The following SLC25A24 variants were observed in gnomAD, a reference collection of about 807,000 sequenced individuals.
SLC25A24 encodes the protein mitochondrial adenyl nucleotide antiporter SLC25A24.
A neutral mutation model predicts 60.7 loss-of-function variants in SLC25A24; 49 were observed. That is an observed-to-expected ratio of 0.81 (90% CI 0.64 to 1.02). The LOEUF is 1.02. SLC25A24 is among the 50% of genes least tolerant of loss of function. SLC25A24 has a pLI of 0.00. For synonymous variants in SLC25A24, 202 were observed against 200.6 expected (o/e 1.01, Z -0.06); for missense variants, 564 against 586.3 (o/e 0.96, Z 0.39).
At chr1:108,156,665 A>G (rs977960877) in intron 5 of SLC25A24, among the ~76,000 whole-genome samples, 1 of 152,370 alleles carries the variant, frequency 6.6e-6, no homozygotes, top group Admixed American at 6.5e-5. Context: ...CTATGTTCCA[A>G]TAGGTTATTC....
intron 1 of SLC25A24, among the ~76,000 whole-genome samples, chr1:108,195,690 T>A (rs539561530): frequency 2.0e-5 from 3 of 152,114 alleles, no homozygotes; most frequent in Non-Finnish European, 4.4e-5. Context: ...CCATAACATG[T>A]CTGACAATTA....
intron 3 of SLC25A24, among the ~76,000 whole-genome samples, chr1:108,173,961 G>T (rs2101630917): frequency 6.6e-6 from 1 of 152,288 alleles, no homozygotes; most frequent in East Asian, 1.9e-4. Flanking sequence ...TCAGGCAGAA[G>T]AAATTTCTAA....
At chr1:108,151,941 A>C (rs1293043381) in intron 6 of SLC25A24, among the ~76,000 whole-genome samples, 1 of 152,142 alleles carries the variant, frequency 6.6e-6, no homozygotes, top group Non-Finnish European at 1.5e-5. Context: ...TACTTCCAAA[A>C]TATTTCTCAG....
rs138894826 is a variant in SLC25A24, at chr1:108,161,294, C to T, written c.399-1G>A. ...TGTCATTGTCCCATCAACATCAATGCTGAAATTTTAAAAAAATGATCAAAG... is the reference window on the plus strand; with the variant it reads ...TGTCATTGTCCCATCAACATCAATGTTGAAATTTTAAAAAAATGATCAAAG... On this transcript the variant is annotated splice_acceptor_variant, in intron 3 of 9. Transcript: ENST00000565488. LOFTEE classifies it high-confidence loss of function. 1.2e-4 allele frequency: 175 copies of T among 1,502,838 alleles called. No individual in the cohort carries two copies. The East Asian group carries it at 1.6e-3, about 14-fold the overall frequency. The allele number at this position is 1,502,838 out of a possible 1,614,324, so 93.1% of individuals were successfully genotyped here.
intron 1 of SLC25A24, among the ~76,000 whole-genome samples, chr1:108,189,589 C>G (rs748786760): frequency 1.3e-5 from 2 of 151,956 alleles, no homozygotes; most frequent in Admixed American, 1.3e-4. Flanking sequence ...CCAAGGTGGG[C>G]GGATCACTTG....
chr1:108,197,401 G>A (rs1008209911), intron 1 of SLC25A24, among the ~76,000 whole-genome samples: 14 of 152,182 alleles, frequency 9.2e-5, no homozygotes, highest in Admixed American at 2.0e-4. Context: ...TTCAAGCTGA[G>A]TATTTGGCTT....
At position 108,171,162 on chromosome 1, in the gene SLC25A24, T is replaced by TC. The variant is rs558154838; in HGVS notation, c.399-9870dup. Among the ~76,000 whole-genome samples, 14 of 152,192 alleles carry TC rather than the reference T, an allele frequency of 9.2e-5. No individual in the cohort carries two copies. In the South Asian group the frequency reaches 2.7e-3, roughly 29 times the overall value. On this transcript the variant is annotated intron_variant, in intron 3 of 9. Coordinates refer to ENST00000565488, the MANE Select transcript of SLC25A24 (RefSeq NM_013386.5). The stretch of plus-strand genomic sequence containing the variant: ...TATTTATTTTCTTATTCCATTTCTT[T>TC]CCCCCCTGATTTGGAAGTTATATAC...
intron 3 of SLC25A24, among the ~76,000 whole-genome samples, chr1:108,168,040 T>C (rs1647271266): frequency 6.6e-6 from 1 of 152,190 alleles, no homozygotes; most frequent in Admixed American, 6.5e-5. Flanking sequence ...TGCTCATTTA[T>C]TTATTGAATT....
intron 2 of SLC25A24, among the ~76,000 whole-genome samples, chr1:108,182,897 C>T (rs527298338): frequency 9.3e-4 from 141 of 151,960 alleles, no homozygotes; most frequent in African/African-American, 3.2e-3. Flanking sequence ...AAAAGAACAA[C>T]AAAAGACAGA....
chr1:108,147,003 T>G (rs1679612092), intron 7 of SLC25A24, among the ~76,000 whole-genome samples: 2 of 152,226 alleles, frequency 1.3e-5, no homozygotes, highest in African/African-American at 2.4e-5. Flanking sequence ...CAGCTCCTCT[T>G]TGTACCTCTG....
At chr1:108,152,594 C>A (rs1053171024) in intron 6 of SLC25A24, among the ~76,000 whole-genome samples, 22 of 152,162 alleles carry the variant, frequency 1.4e-4, no homozygotes, top group Admixed American at 2.6e-4. Flanking sequence ...TGGGCTCAAG[C>A]AAACTACCTC....
chr1:108,136,672 A>G lies in SLC25A24; in HGVS notation c.1415T>C (p.Leu472Ser), dbSNP rs1319856486. ...GCAACATCATTTCTGGGTTACTCCT[A>G]AAGTTTGCTTCATATTTTCATAAAC... is the stretch of plus-strand genomic sequence containing the variant. ...YVVYENMKQTLGVTQK is the reference protein window; with the variant it reads ...YVVYENMKQTSGVTQK Residue 472 changes from leucine (L) to serine (S), a missense_variant, in exon 10 of 10, where the codon TTA becomes TCA. By Grantham distance (145) the Leu-to-Ser change is moderately radical. Coordinates refer to ENST00000565488, the MANE Select transcript of SLC25A24 (RefSeq NM_013386.5). 3 of 1,613,682 alleles carry G rather than the reference A, an allele frequency of 1.9e-6. No individual in the cohort carries two copies. Among genetic ancestry groups the G allele is most frequent in the South Asian group, 1.1e-5 (1 of 90,932 alleles).
intron 8 of SLC25A24, 88 bp from the exon 9 acceptor site, chr1:108,139,296 G>A: frequency 1.5e-6 from 2 of 1,329,990 alleles, no homozygotes; most frequent in South Asian, 3.1e-5. Flanking sequence ...CTCATGAGAA[G>A]CCCCGTTTCT....
chr1:108,195,122 C>T (rs1005829348), intron 1 of SLC25A24, among the ~76,000 whole-genome samples: 12 of 152,156 alleles, frequency 7.9e-5, no homozygotes, highest in Admixed American at 2.0e-4. Context: ...GATTTTTGAA[C>T]TCAGCAGGGT....
At chr1:108,154,395 G>A (rs577119552) in intron 6 of SLC25A24, among the ~76,000 whole-genome samples, 127 of 152,276 alleles carry the variant, frequency 8.3e-4, no homozygotes, top group Non-Finnish European at 1.2e-3. Flanking sequence ...TTAGGCTGAA[G>A]CAATAGCTCA....
rs1468204870 is a variant in SLC25A24, at chr1:108,200,181, G to C, written c.-43C>G. 3 of 1,507,580 alleles carry C rather than the reference G, an allele frequency of 2.0e-6. No homozygotes were observed. The highest frequency in any genetic ancestry group is 4.1e-5 in the Admixed American group (2 of 48,458). The allele number at this position is 1,507,580 out of a possible 1,614,324, so 93.4% of individuals were successfully genotyped here. A position where few individuals can be genotyped will look rare whatever the true frequency, so the allele number is the denominator to read the frequency against. ...CGGCCTGGCCGAGGAAGTCACGGGA[G>C]ATCGAGGGCTGCGGGGCGAGACCGG... On this transcript the variant is annotated 5_prime_UTR_variant, in exon 1 of 10. It adds an upstream start codon to the 5' untranslated region. Transcript: ENST00000565488.
At chr1:108,164,899 G>A (rs1680200720) in intron 3 of SLC25A24, among the ~76,000 whole-genome samples, 1 of 118,106 alleles carries the variant, frequency 8.5e-6, no homozygotes, top group African/African-American at 3.5e-5. Context: ...TGTCAATTTT[G>A]GATCTTTCCT....
chr1:108,156,330 A>G (rs888172163), intron 5 of SLC25A24, among the ~76,000 whole-genome samples: 1 of 152,244 alleles, frequency 6.6e-6, no homozygotes, highest in Non-Finnish European at 1.5e-5. Flanking sequence ...TCAAATTTGC[A>G]GAAACTAAAT....
intron 4 of SLC25A24, among the ~76,000 whole-genome samples, chr1:108,158,306 T>A (rs568096401): frequency 1.3e-5 from 2 of 152,320 alleles, no homozygotes; most frequent in East Asian, 3.9e-4. Context: ...TAATAATATT[T>A]TTACAATTCT....
Sources: allele counts gnomAD v4.1 joint callset (sites outside exome capture counted in the v4.1 genomes callset), GRCh38; gene constraint gnomAD v4.1.1; transcripts MANE v1.5; gene names NCBI Gene and HGNC (gene_info 2026-07-23, HGNC 2026-07-21).